The following LILRB5 variants were observed in gnomAD, a reference collection of about 807,000 sequenced individuals.
LILRB5 encodes the protein leukocyte immunoglobulin like receptor B5.
Under a neutral mutation model 68.4 loss-of-function variants are expected in LILRB5, and 61 were observed. The observed-to-expected ratio is 0.89, with a 90% CI of 0.73 to 1.10. The LOEUF (loss-of-function observed/expected upper bound fraction) is 1.10, where lower values mean the gene tolerates loss of function less well. Ranked by LOEUF, LILRB5 falls within the 50% of genes least tolerant of loss-of-function variation. The probability of loss-of-function intolerance (pLI) is 0.00; values close to 1 mark genes in which losing one functional copy is unlikely to be tolerated. For missense variants in LILRB5, 771 were observed against 751.6 expected (o/e 1.03, Z -0.30); for synonymous variants, 356 against 315.8 (o/e 1.13, Z -1.35).
Position 54,252,529 on chromosome 19 carries a change from C to A in LILRB5, c.1495G>T (p.Gly499Trp). Residue 499 changes from glycine (G) to tryptophan (W), a missense_variant, in exon 10 of 13, where the codon GGG becomes TGG. Coordinates refer to ENST00000449561, the MANE Select transcript of LILRB5 (RefSeq NM_001081442.3). ...TCCTTGGGCTCTGGCCCCGCAGCCC[C>A]TGCAGGACGGTAGAAATGGGCTGGA... is the stretch of plus-strand genomic sequence containing the variant. ...RTSAHFYRPA[G>W]AAGPEPKDQG... 1 of 1,614,070 alleles carries A rather than the reference C, an allele frequency of 6.2e-7. No homozygotes were observed. The highest frequency in any genetic ancestry group is 8.5e-7 in the Non-Finnish European group (1 of 1,180,010).
rs1299620066 is a variant in LILRB5, at chr19:54,256,650, A to T, written c.194T>A (p.Leu65His). ...TEEYRLDKEG[L>H]PWARKRQNPL... Reference sequence around the variant, plus strand: ...GTTCTGTCTCTTCCGGGCCCATGGGAGTCCCTCCTTATCCAGACGGTACTC... The same window carrying T: ...GTTCTGTCTCTTCCGGGCCCATGGGTGTCCCTCCTTATCCAGACGGTACTC... Residue 65 changes from leucine to histidine, a missense_variant, in exon 3 of 13, where the codon CTC becomes CAC. By Grantham distance (99) the Leu-to-His change is moderately conservative. Coordinates refer to ENST00000449561, the MANE Select transcript of LILRB5 (RefSeq NM_001081442.3). 1 of 1,614,018 alleles carries T rather than the reference A, an allele frequency of 6.2e-7. No individual in the cohort carries two copies. Among genetic ancestry groups the T allele is most frequent in the Non-Finnish European group, 8.5e-7 (1 of 1,179,964 alleles).
At chr19:54,255,176 C>T in intron 5 of LILRB5, 110 bp downstream of exon 5, 1 of 1,210,524 alleles carries the variant, frequency 8.3e-7, no homozygotes, top group Non-Finnish European at 1.1e-6. Context: ...GTCTGTCTCT[C>T]CCTCCCTTGG....
chr19:54,251,407 C>T, intron 12 of LILRB5: 2 of 611,674 alleles, frequency 3.3e-6, no homozygotes, highest in South Asian at 4.0e-5. Flanking sequence ...CTCGCTGCTG[C>T]CTCGGGGCCT....
intron 2 of LILRB5, 58 bp downstream of exon 2, chr19:54,256,903 G>T: frequency 2.5e-6 from 4 of 1,613,490 alleles, no homozygotes; most frequent in East Asian, 2.2e-5. Context: ...GCTGCCCGGG[G>T]TTGGGCCCTT....
chr19:54,252,245 G>A lies in LILRB5; in HGVS notation c.1576+121C>T, dbSNP rs374374817. The stretch of plus-strand genomic sequence containing the variant: ...GATGTCCCTGAGGTCCCACAGTGTG[G>A]GTTCAGACCGCCTCCCCCTTGGCCC... On this transcript the variant is annotated intron_variant, in intron 11 of 12. Coordinates refer to ENST00000449561, the MANE Select transcript of LILRB5 (RefSeq NM_001081442.3). 2.4e-5 allele frequency: 34 copies of A among 1,442,710 alleles called. 1 individual carries two copies. The South Asian group carries it at 2.7e-4, about 11-fold the overall frequency. The allele number at this position is 1,442,710 out of a possible 1,614,324, so 89.4% of individuals were successfully genotyped here. A position where few individuals can be genotyped will look rare whatever the true frequency, so the allele number is the denominator to read the frequency against.
intron 8 of LILRB5, 200 bp downstream of exon 8, chr19:54,253,818 C>G (rs1361383527): frequency 2.7e-6 from 4 of 1,473,906 alleles, no homozygotes; most frequent in East Asian, 2.5e-5. Flanking sequence ...GTCACCGTCA[C>G]TGCTGCCGGT....
At position 54,255,480 on chromosome 19, in the gene LILRB5, A is replaced by C. The variant is rs762638964; in HGVS notation, c.758T>G (p.Phe253Cys). The change falls in exon 5 of 13, where the codon TTC (phenylalanine) becomes TGC (cysteine). Residue 253 changes from phenylalanine (F) to cysteine (C), a missense_variant. Physicochemically the swap from Phe to Cys is radical, Grantham distance 205. Coordinates refer to ENST00000449561, the MANE Select transcript of LILRB5 (RefSeq NM_001081442.3). The stretch of plus-strand genomic sequence containing the variant: ...ATGTTCCCCCTCCTTGTACAGAACG[A>C]ATATGTCATAGCCGACATCAGAGCG... ...QCRSDVGYDI[F>C]VLYKEGEHDL... 1.9e-6 allele frequency: 3 copies of C among 1,613,906 alleles called. No homozygotes were observed. The highest frequency in any genetic ancestry group is 2.5e-6 in the Non-Finnish European group (3 of 1,179,984).
rs777306022 is a variant in LILRB5 at position 54,252,863 on chromosome 19, C to G, written c.1474+8G>C. 1.2e-6 allele frequency: 2 copies of G among 1,603,736 alleles called. No individual in the cohort carries two copies. Among genetic ancestry groups the G allele is most frequent in the Non-Finnish European group, 1.7e-6 (2 of 1,173,440 alleles). ...GTCGGCCCACGGGTTCCCCCATTCCCTACTCACCCGATGTCCTGTGTTTGC... is the reference window on the plus strand; with the variant it reads ...GTCGGCCCACGGGTTCCCCCATTCCGTACTCACCCGATGTCCTGTGTTTGC... On this transcript the variant is annotated splice_region_variant and intron_variant, in intron 9 of 12. Coordinates refer to ENST00000449561, the MANE Select transcript of LILRB5 (RefSeq NM_001081442.3).
At chr19:54,252,288 G>A in intron 11 of LILRB5, 78 bp downstream of exon 11, 4 of 1,527,860 alleles carry the variant, frequency 2.6e-6, no homozygotes, top group Non-Finnish European at 1.8e-6. Flanking sequence ...CCCCCAGCCT[G>A]TGCTCCTGCC....
In LILRB5 at chr19:54,250,729, C is replaced by A; in HGVS notation, c.*57G>T. 1 of 1,608,590 alleles carries A rather than the reference C, an allele frequency of 6.2e-7. No homozygotes were observed. The highest frequency in any genetic ancestry group is 1.7e-5 in the Admixed American group (1 of 59,704). ...GTGTCCACTGGGGGCAGCTCCTGTG[C>A]CTTCTGGAGTCTCTGAGTCTCCTTC... is the stretch of plus-strand genomic sequence containing the variant. On this transcript the variant is annotated 3_prime_UTR_variant, in exon 13 of 13. Transcript: ENST00000449561.
chr19:54,255,628 C>G (rs186086804), intron 4 of LILRB5, 46 bp from the exon 5 acceptor site: 22 of 1,571,282 alleles, frequency 1.4e-5, no homozygotes, highest in African/African-American at 8.1e-5. Flanking sequence ...GTTCCTCCCC[C>G]GCCCCTTCCT....
At position 54,252,900 on chromosome 19, in the gene LILRB5, T is replaced by C; in HGVS notation, c.1445A>G (p.His482Arg). The change falls in exon 9 of 13, where the codon CAT (histidine) becomes CGT (arginine). Residue 482 changes from histidine (H) to arginine (R), a missense_variant. Physicochemically the swap from His to Arg is conservative, Grantham distance 29. Coordinates refer to ENST00000449561, the MANE Select transcript of LILRB5 (RefSeq NM_001081442.3). ...LFLLLFLLLR[H>R]RHQSKHRTSA... is the part of the protein sequence containing the mutation. Reference sequence around the variant, plus strand: ...TGTCCTGTGTTTGCTCTGATGCCGATGTCGGAGGAGGAGGAAGAGGAGGAG... The same window carrying C: ...TGTCCTGTGTTTGCTCTGATGCCGACGTCGGAGGAGGAGGAAGAGGAGGAG... 1.3e-6 allele frequency: 2 copies of C among 1,596,506 alleles called. No homozygotes were observed. The highest frequency in any genetic ancestry group is 1.7e-6 in the Non-Finnish European group (2 of 1,169,102).
intron 12 of LILRB5, 146 bp from the exon 13 acceptor site, chr19:54,251,078 G>C: frequency 6.7e-7 from 1 of 1,486,908 alleles, no homozygotes; most frequent in Non-Finnish European, 9.4e-7. Context: ...CCCAGACAGT[G>C]GGGAAGGAGG....
rs200131930 is a variant in LILRB5 at position 54,250,801 on chromosome 19, G to C, written c.1761C>G (p.Pro587=). The C allele has an allele frequency of 6.2e-6, 10 of 1,614,116 alleles. No individual in the cohort carries two copies. The highest frequency in any genetic ancestry group is 4.0e-5 in the African/African-American group (3 of 75,016). The part of the protein sequence containing the change: ...EPPAEPSIYA[P]LAIH ...CCCCCGTGGGCTAGTGGATGGCCAGGGGGGCGTAGATGCTGGGTTCAGCTG... is the reference window on the plus strand; with the variant it reads ...CCCCCGTGGGCTAGTGGATGGCCAGCGGGGCGTAGATGCTGGGTTCAGCTG... Residue 587 remains proline (P), a synonymous_variant, in exon 13 of 13, where the codon CCC becomes CCG. Coordinates refer to ENST00000449561, the MANE Select transcript of LILRB5 (RefSeq NM_001081442.3).
intron 12 of LILRB5, chr19:54,251,376 T>C (rs1314971317): frequency 5.5e-6 from 4 of 727,472 alleles, no homozygotes; most frequent in Non-Finnish European, 8.9e-6. Flanking sequence ...GGCTGCAGCC[T>C]CACGGGCCTT....
chr19:54,255,460 C>A lies in LILRB5; in HGVS notation c.778G>T (p.Glu260Ter). The change falls in exon 5 of 13, where the codon GAA becomes TAA. Residue 260 changes from glutamate to a stop codon, truncating the protein, a stop_gained. Transcript: ENST00000449561. LOFTEE classifies it high-confidence loss of function. ...YDIFVLYKEG[E>*]HDLVQGSGQQ... ...CCAGAGCCCTGGACGAGGTCATGTT[C>A]CCCCTCCTTGTACAGAACGAATATG... The A allele has an allele frequency of 1.9e-6, 3 of 1,614,172 alleles. No homozygotes were observed. Among genetic ancestry groups the A allele is most frequent in the South Asian group, 2.2e-5 (2 of 91,080 alleles).
intron 8 of LILRB5, 41 bp from the exon 9 acceptor site, chr19:54,253,028 A>C (rs1398605204): frequency 7.2e-7 from 1 of 1,380,016 alleles, no homozygotes; most frequent in Admixed American, 2.0e-5. Context: ...GACGTCATTG[A>C]TGTGAGCACC....
At chr19:54,254,638 C>T (rs1230061881) in intron 6 of LILRB5, 97 bp downstream of exon 6, 2 of 1,487,262 alleles carry the variant, frequency 1.3e-6, no homozygotes, top group Non-Finnish European at 1.9e-6. Context: ...CAAACCCTCC[C>T]CCCCGCACCG....
At chr19:54,251,299 G>A (rs1241529320) in intron 12 of LILRB5, 8 of 843,048 alleles carry the variant, frequency 9.5e-6, no homozygotes, top group South Asian at 5.3e-5. Context: ...CCCTAAGGCC[G>A]TGGAGGGTCT....
Sources: gnomAD v4.1 joint callset for allele counts on GRCh38, gnomAD v4.1.1 for gene constraint, MANE v1.5 for transcripts, NCBI Gene and HGNC (gene_info 2026-07-23, HGNC 2026-07-21) for gene names.